PRKG1: variants seen among roughly 807,000 people sequenced by gnomAD.
The protein encoded by PRKG1 is cGMP-dependent protein kinase 1.
PRKG1 carries 35 observed loss-of-function variants against 88.1 expected under a neutral mutation model. The observed-to-expected ratio is 0.40, with a 90% CI of 0.30 to 0.53. The LOEUF is 0.53. Ranked by LOEUF, PRKG1 falls within the 20% of genes least tolerant of loss-of-function variation. The pLI is 0.59. For synonymous variants in PRKG1, 303 were observed against 292.5 expected, an observed-to-expected ratio of 1.04 and a Z score of -0.37; for missense variants, 540 against 839.8, an observed-to-expected ratio of 0.64 and a Z score of 4.41.
intron 2 of PRKG1, among the ~76,000 whole-genome samples, chr10:51,401,550 C>G (rs921931644): frequency 3.9e-5 from 6 of 152,186 alleles, no homozygotes; most frequent in Non-Finnish European, 8.8e-5. Context: ...CTGAAAAGTT[C>G]TCTAAGCAGG....
intron 2 of PRKG1, among the ~76,000 whole-genome samples, chr10:51,237,598 T>C (rs1014205411): frequency 5.3e-5 from 8 of 152,206 alleles, no homozygotes; most frequent in Non-Finnish European, 4.4e-5. Flanking sequence ...CAGAGCAGTC[T>C]TCTCCAAAAG....
chr10:51,725,971 C>T (rs1334099402), intron 3 of PRKG1, among the ~76,000 whole-genome samples: 8 of 152,174 alleles, frequency 5.3e-5, no homozygotes, highest in African/African-American at 1.7e-4. Flanking sequence ...ACCACTAGAA[C>T]ATGAATGTAA....
intron 5 of PRKG1, among the ~76,000 whole-genome samples, chr10:51,982,833 C>G (rs1351279548): frequency 6.6e-6 from 1 of 152,180 alleles, no homozygotes; most frequent in Non-Finnish European, 1.5e-5. Flanking sequence ...GTGGGGTGCA[C>G]ACTCATTGGC....
chr10:51,635,276 T>G, intron 3 of PRKG1, among the ~76,000 whole-genome samples: 1 of 131,930 alleles, frequency 7.6e-6, no homozygotes, highest in Non-Finnish European at 1.6e-5. Flanking sequence ...ATGACCTTAA[T>G]TATTTTAGCA....
At chr10:51,755,975 T>C (rs929681135) in intron 3 of PRKG1, among the ~76,000 whole-genome samples, 1 of 152,242 alleles carries the variant, frequency 6.6e-6, no homozygotes, top group South Asian at 2.1e-4. Context: ...TTCTTTTGCA[T>C]TTATCGTTAT....
chr10:51,354,494 A>G (rs1046134623), intron 2 of PRKG1, among the ~76,000 whole-genome samples: 2 of 152,164 alleles, frequency 1.3e-5, no homozygotes, highest in African/African-American at 4.8e-5. Context: ...CTGTATTTTT[A>G]TCAATAAATT....
chr10:52,110,661 C>G (rs1847541828), intron 7 of PRKG1, among the ~76,000 whole-genome samples: 1 of 152,042 alleles, frequency 6.6e-6, no homozygotes, highest in South Asian at 2.1e-4. Context: ...GCTATGCTTC[C>G]CAGCAAACAG....
At chr10:51,517,651 C>G (rs2132071969) in intron 3 of PRKG1, among the ~76,000 whole-genome samples, 1 of 152,272 alleles carries the variant, frequency 6.6e-6, no homozygotes, top group African/African-American at 2.4e-5. Context: ...TAGTGTTTGG[C>G]CCACTTATAG....
At chr10:51,343,297 T>C (rs945449267) in intron 2 of PRKG1, among the ~76,000 whole-genome samples, 1 of 152,152 alleles carries the variant, frequency 6.6e-6, no homozygotes, top group African/African-American at 2.4e-5. Context: ...TACCCTATTA[T>C]CCACTAGTTA....
At chr10:52,179,859 T>C (rs1224677240) in intron 9 of PRKG1, among the ~76,000 whole-genome samples, 2 of 152,114 alleles carry the variant, frequency 1.3e-5, no homozygotes, top group East Asian at 1.9e-4. Flanking sequence ...AGCTAATTTT[T>C]TGTATTTTTA....
intron 7 of PRKG1, among the ~76,000 whole-genome samples, chr10:52,065,715 T>C: frequency 6.6e-6 from 1 of 152,172 alleles, no homozygotes; most frequent in Non-Finnish European, 1.5e-5. Flanking sequence ...AAATAGTATT[T>C]TTGGTGTAGA....
At chr10:51,246,366 TAG>T (rs1319010197) in intron 2 of PRKG1, among the ~76,000 whole-genome samples, 24 of 152,132 alleles carry the variant, frequency 1.6e-4, no homozygotes, top group African/African-American at 5.3e-4. Flanking sequence ...ACAGCATAGA[TAG>T]AGAGATAGCA....
chr10:51,350,565 G>C (rs1229156677), intron 2 of PRKG1, among the ~76,000 whole-genome samples: 1 of 152,140 alleles, frequency 6.6e-6, no homozygotes, highest in East Asian at 1.9e-4. Context: ...CATAGTACTG[G>C]AAGTCTTAGC....
At position 51,832,846 on chromosome 10, in the gene PRKG1, C is replaced by T. The variant is rs377183160; in HGVS notation, c.698+28156C>T. 7.9e-5 allele frequency among the ~76,000 whole-genome samples: 12 copies of T among 152,180 alleles called. No homozygotes were observed. The South Asian group carries it at 2.1e-3, about 26-fold the overall frequency. ...GCATGATGATCAAATATTGTCTTAT[C>T]GCACAGATAAAGTCTCTCTGGTACG... On this transcript the variant is annotated intron_variant, in intron 4 of 17. Coordinates refer to ENST00000373980, the MANE Select transcript of PRKG1 (RefSeq NM_006258.4).
At chr10:51,011,057 C>A (rs1467777190) in intron 1 of PRKG1, among the ~76,000 whole-genome samples, 6 of 152,168 alleles carry the variant, frequency 3.9e-5, no homozygotes, top group South Asian at 2.1e-4. Flanking sequence ...CCTAGCACAT[C>A]ATAACTAAAA....
chr10:51,491,651 A>G (rs1416230648), intron 3 of PRKG1, among the ~76,000 whole-genome samples: 1 of 152,126 alleles, frequency 6.6e-6, no homozygotes, highest in Non-Finnish European at 1.5e-5. Context: ...GGGTAGCATT[A>G]CTAATACTAT....
upstream of PRKG1, among the ~76,000 whole-genome samples, chr10:51,070,662 T>C (rs908118965): frequency 6.6e-6 from 1 of 152,212 alleles, no homozygotes; most frequent in Non-Finnish European, 1.5e-5. Context: ...GAATAGCCAG[T>C]ATTATAATAA....
At chr10:51,144,161 A>G (rs1380630134) in intron 1 of PRKG1, among the ~76,000 whole-genome samples, 2 of 151,988 alleles carry the variant, frequency 1.3e-5, no homozygotes, top group Admixed American at 6.6e-5. Context: ...ATGAGAGATA[A>G]GGGTCTAATT....
intron 2 of PRKG1, among the ~76,000 whole-genome samples, chr10:51,374,093 A>AAAAAAAAATATATATATATATATATAT: frequency 1.2e-4 from 12 of 100,182 alleles, no homozygotes; most frequent in South Asian, 8.5e-4. Context: ...AAAAAAAAAA[A>AAAAAAAAATATATATATATATATATAT]ATATATATAT....
Sources: gnomAD v4.1 joint callset for allele counts (sites outside exome capture counted in the v4.1 genomes callset) on GRCh38, gnomAD v4.1.1 for gene constraint, MANE v1.5 for transcripts, NCBI Gene and HGNC (gene_info 2026-07-23, HGNC 2026-07-21) for gene names.